C19orf44: variants seen among roughly 807,000 people sequenced by gnomAD.
C19orf44 encodes the protein chromosome 19 open reading frame 44.
A neutral mutation model predicts 50.7 loss-of-function variants in C19orf44; 43 were observed. The ratio of observed to expected loss-of-function variants is 0.85; its 90% CI spans 0.66 to 1.09. C19orf44 has a LOEUF of 1.09. Among genes scored for constraint, C19orf44 ranks in the 50% least tolerant of loss-of-function variants. The pLI is 0.00. For synonymous variants in C19orf44, 298 were observed against 334.7 expected, an observed-to-expected ratio of 0.89 and a Z score of 1.20; for missense variants, 722 against 836.2, an observed-to-expected ratio of 0.86 and a Z score of 1.68.
At chr19:16,513,445 G>A (rs1052156996) in intron 6 of C19orf44, among the ~76,000 whole-genome samples, 11 of 152,124 alleles carry the variant, frequency 7.2e-5, no homozygotes, top group Admixed American at 3.9e-4. Context: ...GTGCAGTGGC[G>A]CGATCTCCAC....
Position 16,509,838 on chromosome 19 carries a change from G to T in C19orf44, c.1489G>T (p.Ala497Ser). ...GGAGTCTCTTGACAGAACACTGGAC[G>T]CTTTGTCTGAATCCTCTTCAAGTGT... is the stretch of plus-strand genomic sequence containing the variant. ...SKESLDRTLDALSESSSSVKT... is the reference protein window; with the variant it reads ...SKESLDRTLDSLSESSSSVKT... The change falls in exon 5 of 9, where the codon GCT becomes TCT. Residue 497 changes from alanine (A) to serine (S), a missense_variant. Ala to Ser is a moderately conservative substitution (Grantham distance 99). Coordinates refer to ENST00000221671, the MANE Select transcript of C19orf44 (RefSeq NM_032207.4). 6.2e-7 allele frequency: 1 copy of T among 1,614,244 alleles called. No individual in the cohort carries two copies.
intron 7 of C19orf44, among the ~76,000 whole-genome samples, chr19:16,515,511 C>CAT (rs1489754679): frequency 1.3e-5 from 2 of 152,072 alleles, no homozygotes; most frequent in African/African-American, 4.8e-5. Flanking sequence ...TTGTATGAAC[C>CAT]ATAGTATGCG....
chr19:16,509,372 T>C lies in C19orf44; in HGVS notation c.1150-127T>C, dbSNP rs2093449720. The C allele has an allele frequency of 1.3e-5, 17 of 1,284,278 alleles. No homozygotes were observed. The South Asian group carries it at 2.2e-4, about 17-fold the overall frequency. The allele number at this position is 1,284,278 out of a possible 1,614,324, so 79.6% of individuals were successfully genotyped here. ...TAGAATACTCCGTGCCCACATCTAA[T>C]GAGGACCTGGTGTGTCCCCTTGTCT... On this transcript the variant is annotated intron_variant, in intron 4 of 8. Coordinates refer to ENST00000221671, the MANE Select transcript of C19orf44 (RefSeq NM_032207.4).
intron 5 of C19orf44, among the ~76,000 whole-genome samples, chr19:16,512,590 A>G (rs1420704415): frequency 6.6e-6 from 1 of 151,930 alleles, no homozygotes; most frequent in East Asian, 1.9e-4. Flanking sequence ...AAAAGTAAAG[A>G]AGGGCCGGGT....
At chr19:16,515,818 CTGAG>C (rs1436510952) in intron 7 of C19orf44, among the ~76,000 whole-genome samples, 2 of 151,792 alleles carry the variant, frequency 1.3e-5, no homozygotes, top group South Asian at 2.1e-4. Context: ...TCTTTTGAGA[CTGAG>C]TTTCACTCTT....
chr19:16,503,000 A>C, intron 2 of C19orf44, 65 bp from the exon 3 acceptor site: 1 of 1,498,564 alleles, frequency 6.7e-7, no homozygotes, highest in East Asian at 2.3e-5. Context: ...AAAAAAAAAC[A>C]AAAAACAAAA....
At chr19:16,518,984 ATGGAGCACGGCG>A in intron 8 of C19orf44, 1 of 648,556 alleles carries the variant, frequency 1.5e-6, no homozygotes, top group South Asian at 2.0e-5. Flanking sequence ...CCTCCACGCC[ATGGAGCACGGCG>A]TTCCCACTGG....
intron 5 of C19orf44, among the ~76,000 whole-genome samples, chr19:16,511,597 A>G (rs2093457446): frequency 6.6e-6 from 1 of 150,626 alleles, no homozygotes; most frequent in Admixed American, 6.6e-5. Flanking sequence ...ATTTTATTTT[A>G]TGAGATGGGG....
At chr19:16,500,741 C>T (rs1599727867) in intron 1 of C19orf44, 51 bp from the exon 2 acceptor site, 2 of 1,499,434 alleles carry the variant, frequency 1.3e-6, no homozygotes, top group East Asian at 4.5e-5. Flanking sequence ...ATTGAATGCT[C>T]AATACAAACA....
intron 3 of C19orf44, among the ~76,000 whole-genome samples, chr19:16,505,551 C>G (rs2093438206): frequency 6.6e-6 from 1 of 152,078 alleles, no homozygotes; most frequent in South Asian, 2.1e-4. Flanking sequence ...AGAAGGCAGC[C>G]ACGCTCCTTC....
Position 16,517,210 on chromosome 19 carries a change from G to A in C19orf44, c.1903-20G>A, listed in dbSNP as rs201943030. 228 of 1,612,008 alleles carry A rather than the reference G, an allele frequency of 1.4e-4. No individual in the cohort carries two copies. Among genetic ancestry groups the A allele is most frequent in the Non-Finnish European group, 1.9e-4 (224 of 1,178,408 alleles). On this transcript the variant is annotated intron_variant, in intron 7 of 8. Coordinates refer to ENST00000221671, the MANE Select transcript of C19orf44 (RefSeq NM_032207.4). Reference sequence around the variant, plus strand: ...CTGAGGTGACGATGGTGATGGCGTGGTCTGTTCTCTGCCTGACAGTACATT... The same window carrying A: ...CTGAGGTGACGATGGTGATGGCGTGATCTGTTCTCTGCCTGACAGTACATT...
At chr19:16,507,530 C>A (rs541093719) in intron 4 of C19orf44, among the ~76,000 whole-genome samples, 28 of 135,866 alleles carry the variant, frequency 2.1e-4, no homozygotes, top group Non-Finnish European at 4.2e-4. Context: ...TTGTTCTTAT[C>A]CCCCAGGTTT....
At chr19:16,508,027 G>A (rs1264810748) in intron 4 of C19orf44, among the ~76,000 whole-genome samples, 1 of 151,142 alleles carries the variant, frequency 6.6e-6, no homozygotes, top group Non-Finnish European at 1.5e-5. Context: ...GGATAGTCTC[G>A]ATCTCCTGAC....
At chr19:16,501,772 G>C (rs1052855751) in intron 2 of C19orf44, among the ~76,000 whole-genome samples, 1 of 151,400 alleles carries the variant, frequency 6.6e-6, no homozygotes, top group Non-Finnish European at 1.5e-5. Context: ...TATGTGTTTA[G>C]TAGAGATGGG....
At position 16,520,470 on chromosome 19, in the gene C19orf44, C is replaced by T; in HGVS notation, c.*417C>T. ...GAGTTGGAGCGGGAGGAAGAACGCC[C>T]TCGACTCTTGGATCTGCTCCGAGAC... is the stretch of plus-strand genomic sequence containing the variant. On this transcript the variant is annotated 3_prime_UTR_variant, in exon 9 of 9. Transcript: ENST00000221671. The surrounding 1 kb of genome is among the most constrained non-coding windows in gnomAD (Gnocchi z 4.0). 4 of 1,614,062 alleles carry T rather than the reference C, an allele frequency of 2.5e-6. No homozygotes were observed.
intron 1 of C19orf44, among the ~76,000 whole-genome samples, chr19:16,497,099 C>G (rs1173853201): frequency 6.6e-6 from 1 of 152,148 alleles, no homozygotes; most frequent in Non-Finnish European, 1.5e-5. Context: ...GATCATGCCA[C>G]TGCACTCCGG....
chr19:16,498,130 C>T (rs951957655), intron 1 of C19orf44, among the ~76,000 whole-genome samples: 5 of 152,130 alleles, frequency 3.3e-5, no homozygotes, highest in Non-Finnish European at 5.9e-5. Flanking sequence ...CTATTACGAA[C>T]ATTTGCATAC....
intron 5 of C19orf44, among the ~76,000 whole-genome samples, chr19:16,510,423 G>T (rs1393685079): frequency 2.6e-5 from 4 of 151,972 alleles, no homozygotes; most frequent in Admixed American, 6.6e-5. Context: ...AGTCACCTAG[G>T]GACCTTGGCT....
Position 16,520,577 on chromosome 19 carries a change from G to T in C19orf44, c.*524G>T. On this transcript the variant is annotated 3_prime_UTR_variant, in exon 9 of 9. Coordinates refer to ENST00000221671, the MANE Select transcript of C19orf44 (RefSeq NM_032207.4). This position sits in a 1 kb window ranked among gnomAD's most constrained non-coding sequence, Gnocchi z 4.0. ...GCACCCAGCCCACCCTGGCCCTCAG[G>T]TTCCTAGACCACCCCAGATGCAGGG... 6.5e-7 allele frequency: 1 copy of T among 1,537,658 alleles called. No individual in the cohort carries two copies.
Sources: gnomAD v4.1 joint callset for allele counts (sites outside exome capture counted in the v4.1 genomes callset) on GRCh38, gnomAD v4.1.1 for gene constraint, Gnocchi (gnomAD v3.1) non-coding constraint, MANE v1.5 for transcripts, NCBI Gene and HGNC (gene_info 2026-07-23, HGNC 2026-07-21) for gene names.